The following TP53BP1 variants were observed in gnomAD, a reference collection of about 807,000 sequenced individuals.
TP53BP1 encodes tumor protein p53 binding protein 1.
TP53BP1 carries 61 observed loss-of-function variants against 200.8 expected under a neutral mutation model. The ratio of observed to expected loss-of-function variants is 0.30; its 90% CI spans 0.25 to 0.38. The LOEUF (loss-of-function observed/expected upper bound fraction) is 0.38, where lower values mean the gene tolerates loss of function less well. Among genes scored for constraint, TP53BP1 ranks in the 10% least tolerant of loss-of-function variants. The probability of loss-of-function intolerance (pLI) is 1.00; values close to 1 mark genes in which losing one functional copy is unlikely to be tolerated. For missense variants in TP53BP1, 2,144 were observed against 2,371.9 expected (o/e 0.90, Z 2.00); for synonymous variants, 822 against 844.3 (o/e 0.97, Z 0.46).
chr15:43,451,549 G>A (rs1474258368), intron 12 of TP53BP1, among the ~76,000 whole-genome samples: 1 of 152,162 alleles, frequency 6.6e-6, no homozygotes, highest in African/African-American at 2.4e-5. Flanking sequence ...ATTCCATGGT[G>A]TATATGTGCC....
At chr15:43,434,996 C>T (rs1000213708) in intron 16 of TP53BP1, among the ~76,000 whole-genome samples, 2 of 152,132 alleles carry the variant, frequency 1.3e-5, no homozygotes, top group Non-Finnish European at 2.9e-5. Context: ...CACAGTGGCT[C>T]ACACCAGTAA....
At chr15:43,503,766 C>T (rs2079221901) in intron 1 of TP53BP1, among the ~76,000 whole-genome samples, 1 of 152,144 alleles carries the variant, frequency 6.6e-6, no homozygotes, top group Non-Finnish European at 1.5e-5. Context: ...TCTCCTGATT[C>T]TTCTTTGCAG....
intron 1 of TP53BP1, among the ~76,000 whole-genome samples, chr15:43,507,631 C>T (rs1038882871): frequency 2.6e-4 from 40 of 151,962 alleles, no homozygotes; most frequent in African/African-American, 8.5e-4. Context: ...ATTTAGCTTT[C>T]TAAGTCTTAT....
chr15:43,481,894 T>C (rs781598965), intron 4 of TP53BP1, among the ~76,000 whole-genome samples: 37 of 151,260 alleles, frequency 2.4e-4, no homozygotes, highest in Non-Finnish European at 4.4e-4. Flanking sequence ...ACTGCAGCCT[T>C]GAACTACTGG....
rs757996630 is a variant in TP53BP1 at position 43,480,869 on chromosome 15, T to G, written c.499+26A>C. On this transcript the variant is annotated intron_variant, in intron 5 of 27. Coordinates refer to ENST00000382044, the MANE Select transcript of TP53BP1 (RefSeq NM_001141980.3). Reference sequence around the variant, plus strand: ...GTTAAAGGGAAGTTAGAACAGTCTATTATTCTGAAAAAAGCACAAGGCTAC... The same window carrying G: ...GTTAAAGGGAAGTTAGAACAGTCTAGTATTCTGAAAAAAGCACAAGGCTAC... 3.1e-6 allele frequency: 5 copies of G among 1,613,326 alleles called. No homozygotes were observed. In the African/African-American group the frequency reaches 6.7e-5, roughly 22 times the overall value.
chr15:43,456,796 A>C lies in TP53BP1; in HGVS notation c.1812T>G (p.Ile604Met), dbSNP rs1445164930. 30 of 1,613,902 alleles carry C rather than the reference A, an allele frequency of 1.9e-5. No individual in the cohort carries two copies. Among genetic ancestry groups the C allele is most frequent in the Non-Finnish European group, 2.4e-5 (28 of 1,180,038 alleles). The change falls in exon 12 of 28, where the codon ATT becomes ATG. Residue 604 changes from isoleucine (I) to methionine (M), a missense_variant. Ile to Met is a conservative substitution (Grantham distance 10, BLOSUM62 1). Coordinates refer to ENST00000382044, the MANE Select transcript of TP53BP1 (RefSeq NM_001141980.3). ...DDTDTRDDIS[I>M]LATGCKGREE... Reference sequence around the variant, plus strand: ...CTCTGCCCTTGCAACCAGTGGCTAAAATACTAATGTCATCCCTGGTGTCTG... The same window carrying C: ...CTCTGCCCTTGCAACCAGTGGCTAACATACTAATGTCATCCCTGGTGTCTG...
At chr15:43,502,534 A>G (rs563962223) in intron 1 of TP53BP1, among the ~76,000 whole-genome samples, 1 of 151,346 alleles carries the variant, frequency 6.6e-6, no homozygotes, top group East Asian at 2.0e-4. Context: ...GGCTCACTGC[A>G]AGCTCCGCCT....
chr15:43,441,629 TTTAG>T (rs1303288988), intron 14 of TP53BP1, 46 bp from the exon 15 acceptor site: 4 of 1,357,124 alleles, frequency 2.9e-6, no homozygotes, highest in Non-Finnish European at 4.2e-6. Context: ...AGAAACAGAA[TTTAG>T]TTAGTATCAC....
At chr15:43,432,124 A>G (rs1200429690) in intron 17 of TP53BP1, 70 bp downstream of exon 17, 8 of 1,543,444 alleles carry the variant, frequency 5.2e-6, no homozygotes, top group Non-Finnish European at 7.0e-6. Flanking sequence ...GACATGCCAC[A>G]ACTTAAATTC....
upstream of TP53BP1, among the ~76,000 whole-genome samples, chr15:43,494,509 G>A (rs149479003): frequency 3.3e-5 from 5 of 152,244 alleles, no homozygotes; most frequent in African/African-American, 4.8e-5. Flanking sequence ...AATTATGGTC[G>A]CCAGTATGTT....
At chr15:43,421,257 C>CA (rs2045390223) in intron 19 of TP53BP1, 83 bp from the exon 20 acceptor site, 2 of 1,434,678 alleles carry the variant, frequency 1.4e-6, no homozygotes, top group Admixed American at 3.7e-5. Context: ...CCTCAGACTA[C>CA]ATGACAGGCC....
At position 43,456,702 on chromosome 15, in the gene TP53BP1, G is replaced by C; in HGVS notation, c.1906C>G (p.Pro636Ala). 1 of 1,614,108 alleles carries C rather than the reference G, an allele frequency of 6.2e-7. No individual in the cohort carries two copies. The highest frequency in any genetic ancestry group is 8.5e-7 in the Non-Finnish European group (1 of 1,180,034). ...CDSGSQAVPSPATRSEALSSV... is the reference protein window; with the variant it reads ...CDSGSQAVPSAATRSEALSSV... ...GAAAGTGCCTCAGATCGAGTAGCTG[G>C]TGACGGAACTGCCTGACTCCCCGAA... The change falls in exon 12 of 28, where the codon CCA (proline) becomes GCA (alanine). Residue 636 changes from proline to alanine, a missense_variant. Pro to Ala is a conservative substitution (Grantham distance 27). This residue lies in a region of TP53BP1 where 1,700 missense variants were observed against 1,710.3 expected (regional missense o/e 0.99). Coordinates refer to ENST00000382044, the MANE Select transcript of TP53BP1 (RefSeq NM_001141980.3).
intron 15 of TP53BP1, among the ~76,000 whole-genome samples, chr15:43,439,998 T>C (rs1048171263): frequency 5.3e-5 from 8 of 152,204 alleles, no homozygotes; most frequent in African/African-American, 1.9e-4. Flanking sequence ...AGATTAAATA[T>C]ACTAATAGCC....
intron 11 of TP53BP1, among the ~76,000 whole-genome samples, chr15:43,469,276 T>C (rs1441580921): frequency 6.6e-6 from 1 of 152,148 alleles, no homozygotes; most frequent in Non-Finnish European, 1.5e-5. Context: ...CTAAAAACCA[T>C]CTTGATACCC....
chr15:43,420,568 T>C lies in TP53BP1; in HGVS notation c.4418A>G (p.Gln1473Arg). 6.2e-7 allele frequency: 1 copy of C among 1,614,188 alleles called. No homozygotes were observed. Among genetic ancestry groups the C allele is most frequent in the South Asian group, 1.1e-5 (1 of 91,084 alleles). Residue 1473 changes from glutamine to arginine, a missense_variant, in exon 21 of 28, where the codon CAG (glutamine) becomes CGG (arginine). Transcript: ENST00000382044. ...GCCATCAGAAGGGCCAGCAGCAGCC[T>C]GGAAAGGAATTTCTGGAGAGTCACT... ...RRSDSPEIPFQAAAGPSDGLD... is the reference protein window; with the variant it reads ...RRSDSPEIPFRAAAGPSDGLD...
Position 43,432,520 on chromosome 15 carries a change from G to C in TP53BP1, c.3349C>G (p.Pro1117Ala), listed in dbSNP as rs768426673. The change falls in exon 17 of 28, where the codon CCA becomes GCA. Residue 1117 changes from proline (P) to alanine (A), a missense_variant. Pro to Ala is a conservative substitution (Grantham distance 27). Transcript: ENST00000382044. ...ATTGCCTCTCCTTGAGGACTGGATG[G>C]CCCTTGTATGACCATCTTCTGGGAA... Reference protein sequence around the residue: ...PASQKMVIQGPSSPQGEAMVT... With the variant: ...PASQKMVIQGASSPQGEAMVT... The C allele has an allele frequency of 1.2e-6, 2 of 1,614,090 alleles. No individual in the cohort carries two copies. Among genetic ancestry groups the C allele is most frequent in the Admixed American group, 3.3e-5 (2 of 60,008 alleles).
chr15:43,506,808 T>A (rs1266926978), intron 1 of TP53BP1, among the ~76,000 whole-genome samples: 1 of 152,210 alleles, frequency 6.6e-6, no homozygotes, highest in Non-Finnish European at 1.5e-5. Context: ...GGCAGGAGAA[T>A]AGTGTCTGGA....
chr15:43,469,522 A>T (rs1301291195), intron 11 of TP53BP1, among the ~76,000 whole-genome samples: 1 of 152,264 alleles, frequency 6.6e-6, no homozygotes, highest in Non-Finnish European at 1.5e-5. Context: ...ATTTATTAAA[A>T]AAAACCATAA....
chr15:43,412,910 T>C (rs914592227), intron 24 of TP53BP1: 45 of 608,122 alleles, frequency 7.4e-5, no homozygotes, highest in Non-Finnish European at 1.3e-4. Context: ...ACAGGATTGT[T>C]TTCAGGAACC....
Sources: allele counts gnomAD v4.1 joint callset (sites outside exome capture counted in the v4.1 genomes callset), GRCh38; gene constraint gnomAD v4.1.1; regional missense constraint gnomAD v4.1.1; transcripts MANE v1.5; gene names NCBI Gene and HGNC (gene_info 2026-07-23, HGNC 2026-07-21).